PADI1: variants seen among roughly 807,000 people sequenced by gnomAD.
PADI1 encodes the protein peptidyl arginine deiminase 1, also known as protein-arginine deiminase type-1.
PADI1 carries 65 observed loss-of-function variants against 74.8 expected under a neutral mutation model. The observed-to-expected ratio is 0.87, with a 90% CI of 0.71 to 1.07. The LOEUF (loss-of-function observed/expected upper bound fraction) is 1.07, where lower values mean the gene tolerates loss of function less well. PADI1 is among the 50% of genes least tolerant of loss of function. PADI1 has a pLI of 0.00. For synonymous variants in PADI1, 371 were observed against 336.2 expected (o/e 1.10, Z -1.13); for missense variants, 943 against 854.0 (o/e 1.10, Z -1.30).
chr1:17,225,964 AG>A (rs753913972), intron 5 of PADI1, 36 bp downstream of exon 5: 2 of 1,611,750 alleles, frequency 1.2e-6, no homozygotes, highest in East Asian at 4.5e-5. Flanking sequence ...GGAGTGGGGA[AG>A]GGGGATGGAA....
intron 2 of PADI1, chr1:17,223,362 C>T (rs1217378787): frequency 4.1e-6 from 2 of 489,312 alleles, no homozygotes; most frequent in South Asian, 2.4e-5. Context: ...CCCCACCTTT[C>T]CCATCCCTCC....
intron 6 of PADI1, among the ~76,000 whole-genome samples, chr1:17,227,201 A>C (rs961945829): frequency 6.7e-6 from 1 of 148,862 alleles, no homozygotes; most frequent in Non-Finnish European, 1.5e-5. Context: ...ATGCCACTGC[A>C]CTCCAGCCTG....
chr1:17,230,221 G>A lies in PADI1; in HGVS notation c.1053+13G>A, dbSNP rs959727671. On this transcript the variant is annotated intron_variant, in intron 9 of 15. Transcript: ENST00000375471. ...CCGCTGGATCCAGGTGGGAGCTGGG[G>A]GCAGCTCGGGAAGCCTGCAGCCTGG... The A allele has an allele frequency of 3.1e-6, 5 of 1,611,154 alleles. No homozygotes were observed. The highest frequency in any genetic ancestry group is 1.6e-4 in the Middle Eastern group (1 of 6,072).
intron 7 of PADI1, 62 bp downstream of exon 7, chr1:17,228,859 C>T (rs532060770): frequency 6.3e-7 from 1 of 1,596,974 alleles, no homozygotes. Context: ...AGTTTGCAGG[C>T]TCCAGGGCTG....
rs2072299899 is a variant in PADI1, at chr1:17,226,043, C to T, written c.537C>T (p.Asp179=). 1.2e-6 allele frequency: 2 copies of T among 1,614,080 alleles called. No individual in the cohort carries two copies. The highest frequency in any genetic ancestry group is 2.7e-5 in the African/African-American group (2 of 74,936). ...GGCCACTCTCTCCAGACCTGCAGGA[C>T]ATGTCCCCAATGCTGCTGAGCTGCA... ...SWLMSLADLQ[D]MSPMLLSCNG... Residue 179 remains aspartate (D), a synonymous_variant, in exon 6 of 16, where the codon GAC becomes GAT. Transcript: ENST00000375471.
Position 17,239,750 on chromosome 1 carries a change from C to T in PADI1, c.1599C>T (p.Asp533=). 6.2e-7 allele frequency: 1 copy of T among 1,613,980 alleles called. No individual in the cohort carries two copies. The highest frequency in any genetic ancestry group is 8.5e-7 in the Non-Finnish European group (1 of 1,179,830). ...AKRSINEMLA[D]RHLQRDNLHA... ...GAAGCATTAATGAGATGCTGGCAGA[C>T]AGACACCTCCAGAGAGACAATCTTC... is the stretch of plus-strand genomic sequence containing the variant. The change falls in exon 14 of 16, where the codon GAC becomes GAT. Residue 533 remains aspartate, a synonymous_variant. Transcript: ENST00000375471.
At position 17,218,605 on chromosome 1, in the gene PADI1, G is replaced by A. The variant is rs114692686; in HGVS notation, c.93-3685G>A. 6.8e-3 allele frequency among the ~76,000 whole-genome samples: 1,040 copies of A among 152,372 alleles called. 17 individuals carry two copies. Among genetic ancestry groups the A allele is most frequent in the African/African-American group, 0.022 (898 of 41,588 alleles). ...ACCCACTGGGTTTGGCAACAGTGGAGTTTCCTTGGTGTGGTGGGAGGAAAG... is the reference window on the plus strand; with the variant it reads ...ACCCACTGGGTTTGGCAACAGTGGAATTTCCTTGGTGTGGTGGGAGGAAAG... On this transcript the variant is annotated intron_variant, in intron 1 of 15. Transcript: ENST00000375471.
intron 12 of PADI1, among the ~76,000 whole-genome samples, chr1:17,237,842 C>T (rs1177024475): frequency 1.3e-5 from 2 of 152,150 alleles, no homozygotes; most frequent in African/African-American, 4.8e-5. Context: ...CCCATCCAAG[C>T]TCACCCAGCC....
intron 1 of PADI1, among the ~76,000 whole-genome samples, chr1:17,218,306 A>G (rs777024452): frequency 6.6e-5 from 10 of 152,322 alleles, no homozygotes; most frequent in Non-Finnish European, 1.2e-4. Flanking sequence ...TATTTACATC[A>G]GTAAAATTTA....
rs1183858795 is a variant in PADI1, at chr1:17,206,676, TC to T, written c.92+1368del. Among the ~76,000 whole-genome samples the T allele has an allele frequency of 2.3e-5, 3 of 130,278 alleles. No homozygotes were observed. In the East Asian group the frequency reaches 6.2e-4, roughly 27 times the overall value. 85.5% of individuals were successfully genotyped at this position (130,278 alleles called of 152,430 possible). A position where few individuals can be genotyped will look rare whatever the true frequency, so the allele number is the denominator to read the frequency against. On this transcript the variant is annotated intron_variant, in intron 1 of 15. Transcript: ENST00000375471. The stretch of plus-strand genomic sequence containing the variant: ...TTAGCTGAAGCTGAAGTCTTTTTTT[TC>T]TTTTTCTTTTTTTTTTTTTTTTTTT...
Position 17,238,708 on chromosome 1 carries a change from T to C in PADI1, c.1551T>C (p.Asp517=). 3 of 1,499,808 alleles carry C rather than the reference T, an allele frequency of 2.0e-6. No individual in the cohort carries two copies. The highest frequency in any genetic ancestry group is 1.8e-6 in the Non-Finnish European group (2 of 1,109,550). The allele number at this position is 1,499,808 out of a possible 1,614,324, so 92.9% of individuals were successfully genotyped here. ...GTTATGGGGAGGCAGCCCAGTTTGA[T>C]GGTGAGTGCCAATGACCCGGTCACC... ...EEGYGEAAQF[D]GLKHQAKRSI... is the part of the protein sequence containing the mutation. The change falls in exon 13 of 16, where the codon GAT becomes GAC. Residue 517 remains aspartate, a splice_region_variant and synonymous_variant. Coordinates refer to ENST00000375471, the MANE Select transcript of PADI1 (RefSeq NM_013358.3).
At chr1:17,237,624 C>A (rs1261825110) in intron 12 of PADI1, among the ~76,000 whole-genome samples, 166 bp downstream of exon 12, 2 of 152,158 alleles carry the variant, frequency 1.3e-5, no homozygotes, top group African/African-American at 4.8e-5. Context: ...CCTCACACTT[C>A]CAGGGTATTT....
At chr1:17,227,652 ATTCCCCTTCACCCTTCGCTG>A (rs1290007153) in intron 6 of PADI1, among the ~76,000 whole-genome samples, 1 of 152,128 alleles carries the variant, frequency 6.6e-6, no homozygotes, top group Non-Finnish European at 1.5e-5. Flanking sequence ...CCCCTTCCCG[ATTCCCCTTCACCCTTCGCTG>A]TTCAAACTGA....
intron 1 of PADI1, among the ~76,000 whole-genome samples, chr1:17,208,387 T>C (rs1205140927): frequency 2.0e-5 from 3 of 152,086 alleles, no homozygotes; most frequent in Non-Finnish European, 4.4e-5. Context: ...CACACCCCAG[T>C]AGGCTAGCCC....
At chr1:17,224,716 T>C (rs2072260841) in intron 4 of PADI1, among the ~76,000 whole-genome samples, 1 of 152,218 alleles carries the variant, frequency 6.6e-6, no homozygotes, top group African/African-American at 2.4e-5. Flanking sequence ...TTTTTTATTT[T>C]GAGGGCTATA....
At chr1:17,228,112 T>C (rs1385486729) in intron 6 of PADI1, among the ~76,000 whole-genome samples, 3 of 152,110 alleles carry the variant, frequency 2.0e-5, no homozygotes, top group Non-Finnish European at 4.4e-5. Flanking sequence ...CACCTCAGCC[T>C]CCCGAGTAGC....
intron 1 of PADI1, among the ~76,000 whole-genome samples, chr1:17,209,951 A>G (rs1385722902): frequency 6.6e-6 from 1 of 151,910 alleles, no homozygotes; most frequent in East Asian, 1.9e-4. Flanking sequence ...CCCAGGTTCA[A>G]GTGATTCTCC....
At chr1:17,229,540 A>G (rs998308868) in intron 8 of PADI1, among the ~76,000 whole-genome samples, 4 of 152,228 alleles carry the variant, frequency 2.6e-5, no homozygotes, top group African/African-American at 9.6e-5. Flanking sequence ...CTCGATTGGC[A>G]AAGCCCTGCC....
chr1:17,229,090 G>T, intron 8 of PADI1, 39 bp downstream of exon 8: 1 of 1,319,306 alleles, frequency 7.6e-7, no homozygotes. Flanking sequence ...CAAGTCTGGA[G>T]TGCAGAGGTA....
Sources: gnomAD v4.1 joint callset for allele counts (sites outside exome capture counted in the v4.1 genomes callset) on GRCh38, gnomAD v4.1.1 for gene constraint, MANE v1.5 for transcripts, NCBI Gene and HGNC (gene_info 2026-07-23, HGNC 2026-07-21) for gene names.